DOCK4: variants seen among roughly 807,000 people sequenced by gnomAD.
DOCK4 encodes the protein dedicator of cytokinesis protein 4.
Under a neutral mutation model 268.1 loss-of-function variants are expected in DOCK4, and 97 were observed. The observed-to-expected ratio is 0.36, with a 90% CI of 0.31 to 0.43. The LOEUF (loss-of-function observed/expected upper bound fraction) is 0.43, where lower values mean the gene tolerates loss of function less well. Ranked by LOEUF, DOCK4 falls within the 20% of genes least tolerant of loss-of-function variation. The probability of loss-of-function intolerance (pLI) is 1.00; values close to 1 mark genes in which losing one functional copy is unlikely to be tolerated. For missense variants in DOCK4, 2,145 were observed against 2,455.7 expected, an observed-to-expected ratio of 0.87 and a Z score of 2.67; for synonymous variants, 954 against 887.2, an observed-to-expected ratio of 1.08 and a Z score of -1.34.
chr7:111,899,165 G>T lies in DOCK4; in HGVS notation c.1480+1209C>A, dbSNP rs79485208. Reference sequence around the variant, plus strand: ...TCAGATACATCCACACAAGCATAATGTATGAAGCTCTTGAGTCAATTCTGA... The same window carrying T: ...TCAGATACATCCACACAAGCATAATTTATGAAGCTCTTGAGTCAATTCTGA... On this transcript the variant is annotated intron_variant, in intron 15 of 52. Coordinates refer to ENST00000428084, the MANE Select transcript of DOCK4 (RefSeq NM_001363540.2). 9.7e-3 allele frequency among the ~76,000 whole-genome samples: 1,471 copies of T among 152,320 alleles called. 24 individuals carry two copies. The highest frequency in any genetic ancestry group is 0.034 in the African/African-American group (1,417 of 41,566).
At chr7:112,141,624 A>T (rs964383561) in intron 1 of DOCK4, among the ~76,000 whole-genome samples, 1 of 152,184 alleles carries the variant, frequency 6.6e-6, no homozygotes, top group African/African-American at 2.4e-5. Flanking sequence ...AATCTCCTAC[A>T]GGTTCTATTT....
In DOCK4 at chr7:112,017,969, G is replaced by C. The variant is rs947455212; in HGVS notation, c.38-13838C>G. On this transcript the variant is annotated intron_variant, in intron 1 of 52. Transcript: ENST00000428084. ...TTCCTAAAAGAGGCAGGTGGATCACGAGGTCAGGAGAGCGAGACCATCCTG... is the reference window on the plus strand; with the variant it reads ...TTCCTAAAAGAGGCAGGTGGATCACCAGGTCAGGAGAGCGAGACCATCCTG... 2.6e-5 allele frequency among the ~76,000 whole-genome samples: 4 copies of C among 151,600 alleles called. No individual in the cohort carries two copies. In the East Asian group the frequency reaches 7.7e-4, roughly 29 times the overall value.
At chr7:111,882,282 C>T (rs949087126) in intron 16 of DOCK4, among the ~76,000 whole-genome samples, 1 of 152,036 alleles carries the variant, frequency 6.6e-6, no homozygotes. Context: ...AAAATCCACA[C>T]AGAATATCTG....
chr7:112,095,733 T>C (rs1455174972), intron 1 of DOCK4, among the ~76,000 whole-genome samples: 2 of 151,802 alleles, frequency 1.3e-5, no homozygotes, highest in African/African-American at 4.9e-5. Context: ...AATAAGCAAT[T>C]TTCATGAATT....
At chr7:111,920,502 A>G (rs1586373849) in intron 12 of DOCK4, among the ~76,000 whole-genome samples, 1 of 152,210 alleles carries the variant, frequency 6.6e-6, no homozygotes, top group Non-Finnish European at 1.5e-5. Context: ...TTTCAGGGTT[A>G]TGACACAGGG....
intron 1 of DOCK4, among the ~76,000 whole-genome samples, chr7:112,098,600 GTAAT>G (rs1810370789): frequency 6.7e-6 from 1 of 148,916 alleles, no homozygotes; most frequent in Non-Finnish European, 1.5e-5. Flanking sequence ...TGTAAATTAA[GTAAT>G]TAAGTAATAT....
At chr7:111,809,988 C>CA (rs141294490) in intron 28 of DOCK4, among the ~76,000 whole-genome samples, 35,896 of 125,912 alleles carry the variant, frequency 0.29, 4,648 homozygotes, top group East Asian at 0.55. Context: ...ATAAACTTAG[C>CA]AAAAAAAAAA....
chr7:111,976,043 A>T (rs1394270862), intron 8 of DOCK4, among the ~76,000 whole-genome samples: 1 of 144,858 alleles, frequency 6.9e-6, no homozygotes. Flanking sequence ...CAGGAAGCTG[A>T]GGAAGGAGAA....
At chr7:112,078,397 CTA>C (rs1328404718) in intron 1 of DOCK4, among the ~76,000 whole-genome samples, 3 of 151,954 alleles carry the variant, frequency 2.0e-5, no homozygotes, top group Non-Finnish European at 4.4e-5. Flanking sequence ...ATACTTTTTC[CTA>C]TTATTAACTC....
At chr7:111,833,368 C>A (rs150170723) in intron 26 of DOCK4, among the ~76,000 whole-genome samples, 2 of 151,854 alleles carry the variant, frequency 1.3e-5, no homozygotes, top group African/African-American at 4.8e-5. Flanking sequence ...ATAGTGAGAC[C>A]CTGCCTCTAC....
intron 41 of DOCK4, among the ~76,000 whole-genome samples, chr7:111,756,036 A>G (rs1436353218): frequency 6.6e-6 from 1 of 152,154 alleles, no homozygotes. Context: ...TAGGAACCAC[A>G]CAGCATGATC....
intron 1 of DOCK4, chr7:112,023,461 T>A (rs146769605): frequency 1.1e-3 from 377 of 337,218 alleles, no homozygotes; most frequent in African/African-American, 7.8e-3. Flanking sequence ...AGAGCACAGT[T>A]ACACTTCCCA....
At chr7:111,748,523 G>C (rs1426783829) in intron 42 of DOCK4, among the ~76,000 whole-genome samples, 1 of 152,106 alleles carries the variant, frequency 6.6e-6, no homozygotes, top group Non-Finnish European at 1.5e-5. Context: ...AAGGTGTTGG[G>C]CCTCATTTGT....
At chr7:111,861,745 CA>C (rs35987323) in intron 23 of DOCK4, among the ~76,000 whole-genome samples, 152 of 114,630 alleles carry the variant, frequency 1.3e-3, no homozygotes, top group Admixed American at 7.8e-3. Context: ...GACTCAGTCT[CA>C]AAAAAAAAAA....
At chr7:111,836,540 AAT>A (rs1236718788) in intron 25 of DOCK4, among the ~76,000 whole-genome samples, 2 of 152,194 alleles carry the variant, frequency 1.3e-5, no homozygotes, top group African/African-American at 4.8e-5. Flanking sequence ...GAGAAAAAGT[AAT>A]ATATCAATAG....
intron 36 of DOCK4, among the ~76,000 whole-genome samples, chr7:111,773,218 G>A (rs1425336679): frequency 2.6e-5 from 4 of 152,174 alleles, no homozygotes. Context: ...GTCACAAAAG[G>A]CTGGAAAAGG....
At chr7:112,104,822 G>A (rs935782025) in intron 1 of DOCK4, among the ~76,000 whole-genome samples, 1 of 151,884 alleles carries the variant, frequency 6.6e-6, no homozygotes, top group African/African-American at 2.4e-5. Flanking sequence ...CAGCTCTGGA[G>A]AATAAAAAAT....
chr7:111,791,814 C>T (rs535987058), intron 30 of DOCK4, among the ~76,000 whole-genome samples: 1 of 152,304 alleles, frequency 6.6e-6, no homozygotes, highest in Non-Finnish European at 1.5e-5. Flanking sequence ...AAGCCATCCA[C>T]CCGCCTCGGC....
At chr7:112,087,482 T>C (rs888995403) in intron 1 of DOCK4, among the ~76,000 whole-genome samples, 11 of 152,128 alleles carry the variant, frequency 7.2e-5, no homozygotes, top group Admixed American at 6.6e-5. Context: ...TATATAAACA[T>C]GATAGTCTTC....
Sources: gnomAD v4.1 joint callset for allele counts (sites outside exome capture counted in the v4.1 genomes callset) on GRCh38, gnomAD v4.1.1 for gene constraint, MANE v1.5 for transcripts, NCBI Gene and HGNC (gene_info 2026-07-23, HGNC 2026-07-21) for gene names.